Variants in IQCM observed in about 807,000 individuals in gnomAD.
IQCM encodes the protein IQ motif containing M.
A neutral mutation model predicts 57.6 loss-of-function variants in IQCM; 45 were observed. The ratio of observed to expected loss-of-function variants is 0.78; its 90% CI spans 0.62 to 1.00. The LOEUF (loss-of-function observed/expected upper bound fraction) is 1.00, where lower values mean the gene tolerates loss of function less well. IQCM is among the 50% of genes least tolerant of loss of function. The pLI, the probability that IQCM is intolerant of heterozygous loss-of-function variation, is 0.00. For missense variants in IQCM, 468 were observed against 511.6 expected (o/e 0.91, Z 0.82); for synonymous variants, 148 against 158.9 (o/e 0.93, Z 0.51).
intron 13 of IQCM, among the ~76,000 whole-genome samples, chr4:149,388,652 AAT>A (rs1217426859): frequency 9.7e-4 from 137 of 140,980 alleles, no homozygotes; most frequent in Middle Eastern, 3.6e-3. Flanking sequence ...AAGAATATAA[AAT>A]ATATATATAT....
intron 5 of IQCM, among the ~76,000 whole-genome samples, chr4:149,712,051 T>C (rs553182870): frequency 6.6e-6 from 1 of 152,288 alleles, no homozygotes; most frequent in Admixed American, 6.5e-5. Flanking sequence ...GCAGCAGGCT[T>C]GTTCCCCTGG....
chr4:149,527,418 G>A (rs1357223861), intron 12 of IQCM, among the ~76,000 whole-genome samples: 1 of 152,148 alleles, frequency 6.6e-6, no homozygotes, highest in African/African-American at 2.4e-5. Flanking sequence ...CATGAGGATG[G>A]CACCTAACAA....
intron 7 of IQCM, among the ~76,000 whole-genome samples, chr4:149,661,692 G>A (rs1010427455): frequency 1.3e-5 from 2 of 152,094 alleles, no homozygotes; most frequent in African/African-American, 4.8e-5. Context: ...GGTTGTAAAT[G>A]TCTAGGAATT....
At position 149,733,293 on chromosome 4, in the gene IQCM, G is replaced by A; in HGVS notation, c.336C>T (p.His112=). ...TGCATCTTTCTCTTCTACTAAAAATGTGTGGTTCCTTGAAGGAGATTCGTT... is the reference window on the plus strand; with the variant it reads ...TGCATCTTTCTCTTCTACTAAAAATATGTGGTTCCTTGAAGGAGATTCGTT... ...PPQRISFKEP[H]IFSRRERCRP... The change falls in exon 5 of 14, where the codon CAC becomes CAT. Residue 112 remains histidine (H), a synonymous_variant. Transcript: ENST00000636793. The A allele has an allele frequency of 8.1e-7, 1 of 1,231,710 alleles. No homozygotes were observed. The highest frequency in any genetic ancestry group is 3.2e-5 in the East Asian group (1 of 31,688). The allele number at this position is 1,231,710 out of a possible 1,614,324, so 76.3% of individuals were successfully genotyped here.
chr4:149,354,377 A>AC (rs1560766365), intron 13 of IQCM, among the ~76,000 whole-genome samples: 2 of 141,974 alleles, frequency 1.4e-5, no homozygotes, highest in Non-Finnish European at 1.5e-5. Context: ...AAAAAAAAAA[A>AC]AAAAAAAAAA....
chr4:149,762,384 A>C (rs1769610568), intron 2 of IQCM, among the ~76,000 whole-genome samples: 2 of 152,098 alleles, frequency 1.3e-5, no homozygotes, highest in African/African-American at 4.8e-5. Context: ...GAAAAACTGC[A>C]TGGTGAATCT....
At chr4:149,664,464 C>T (rs1760509088) in intron 7 of IQCM, among the ~76,000 whole-genome samples, 1 of 151,990 alleles carries the variant, frequency 6.6e-6, no homozygotes, top group Non-Finnish European at 1.5e-5. Context: ...GAGACTTTTT[C>T]CTGCAGATGG....
intron 2 of IQCM, among the ~76,000 whole-genome samples, chr4:149,757,407 A>T (rs1769081479): frequency 1.3e-5 from 2 of 152,158 alleles, no homozygotes; most frequent in Non-Finnish European, 2.9e-5. Context: ...GAGATTATCA[A>T]ATAATACAAA....
intron 4 of IQCM, among the ~76,000 whole-genome samples, chr4:149,734,402 G>C (rs1219049008): frequency 6.6e-6 from 1 of 152,056 alleles, no homozygotes; most frequent in Non-Finnish European, 1.5e-5. Context: ...TAATATAATT[G>C]AAAATCATTT....
In IQCM at chr4:149,574,090, G is replaced by A. The variant is rs371792760; in HGVS notation, c.750-10200C>T. ...ACAGAAATGTTCAATTTTATGCCAC[G>A]GACTTTATGTTCATTCTTTATATAA... On this transcript the variant is annotated intron_variant, in intron 9 of 13. Coordinates refer to ENST00000636793, the MANE Select transcript of IQCM (RefSeq NM_001363507.2). Among the ~76,000 whole-genome samples, 117 of 151,890 alleles carry A rather than the reference G, an allele frequency of 7.7e-4. 3 individuals are homozygous for A. In the South Asian group the frequency reaches 0.018, roughly 24 times the overall value.
chr4:149,747,431 G>T (rs1443755782), intron 2 of IQCM, among the ~76,000 whole-genome samples: 3 of 152,084 alleles, frequency 2.0e-5, no homozygotes, highest in Non-Finnish European at 4.4e-5. Flanking sequence ...TATTTATAAT[G>T]CCTAATGCAA....
chr4:149,461,669 C>G (rs1047236729), intron 12 of IQCM, among the ~76,000 whole-genome samples: 17 of 144,552 alleles, frequency 1.2e-4, no homozygotes, highest in African/African-American at 2.3e-4. Context: ...AAAAAAAAAA[C>G]AAGAAGAAGA....
At chr4:149,443,170 A>C (rs988625591) in intron 12 of IQCM, among the ~76,000 whole-genome samples, 2 of 152,036 alleles carry the variant, frequency 1.3e-5, no homozygotes, top group African/African-American at 4.8e-5. Context: ...AAGCCCTTTC[A>C]ACTCATTGCA....
chr4:149,510,795 T>C (rs963502637), intron 12 of IQCM, among the ~76,000 whole-genome samples: 10 of 152,188 alleles, frequency 6.6e-5, no homozygotes, highest in South Asian at 2.1e-4. Context: ...TTTGTAGATA[T>C]AGTGTCATAG....
intron 7 of IQCM, among the ~76,000 whole-genome samples, chr4:149,675,349 G>A (rs1761660915): frequency 6.6e-6 from 1 of 151,894 alleles, no homozygotes; most frequent in Non-Finnish European, 1.5e-5. Flanking sequence ...AAACAGCAAT[G>A]AGGAGCAAGG....
intron 2 of IQCM, among the ~76,000 whole-genome samples, chr4:149,750,957 C>A (rs1364163454): frequency 6.6e-6 from 1 of 152,134 alleles, no homozygotes; most frequent in African/African-American, 2.4e-5. Context: ...TTGCAAAATT[C>A]TGGCTTATAT....
In IQCM at chr4:149,553,370, C is replaced by G. The variant is rs146542576; in HGVS notation, c.949-83G>C. On this transcript the variant is annotated intron_variant, in intron 10 of 13. Transcript: ENST00000636793. ...GCCTCTTTCATTTAGTCTATTTCAC[C>G]TAGTTTCTAAGATTATGGGTGTATT... 8.5e-3 allele frequency: 9,387 copies of G among 1,107,492 alleles called. 49 individuals are homozygous for G. The highest frequency in any genetic ancestry group is 9.8e-3 in the Non-Finnish European group (8,564 of 875,104). The allele number at this position is 1,107,492 out of a possible 1,614,324, so 68.6% of individuals were successfully genotyped here. A position where few individuals can be genotyped will look rare whatever the true frequency, so the allele number is the denominator to read the frequency against.
chr4:149,529,820 T>C (rs1029139189), intron 12 of IQCM, among the ~76,000 whole-genome samples: 3 of 152,158 alleles, frequency 2.0e-5, no homozygotes, highest in Admixed American at 2.0e-4. Context: ...CCCATTCACA[T>C]GAAAGTCATG....
chr4:149,658,040 T>C (rs1279862941), intron 7 of IQCM, among the ~76,000 whole-genome samples: 2 of 152,166 alleles, frequency 1.3e-5, no homozygotes, highest in Non-Finnish European at 2.9e-5. Flanking sequence ...TATTTGGTTT[T>C]TTTTTGCTTT....
Sources: gnomAD v4.1 joint callset for allele counts (sites outside exome capture counted in the v4.1 genomes callset) on GRCh38, gnomAD v4.1.1 for gene constraint, MANE v1.5 for transcripts, NCBI Gene and HGNC (gene_info 2026-07-23, HGNC 2026-07-21) for gene names.